RABL6: variants seen among roughly 807,000 people sequenced by gnomAD.
The protein encoded by RABL6 is RAB, member RAS oncogene family like 6, also known as rab-like protein 6.
RABL6 carries 28 observed loss-of-function variants against 72.9 expected under a neutral mutation model. The ratio of observed to expected loss-of-function variants is 0.38; its 90% CI spans 0.28 to 0.53. RABL6 has a LOEUF of 0.53. Ranked by LOEUF, RABL6 falls within the 20% of genes least tolerant of loss-of-function variation. RABL6 has a pLI of 0.80. For synonymous variants in RABL6, 477 were observed against 421.2 expected (o/e 1.13, Z -1.62); for missense variants, 1,029 against 1,008.4 (o/e 1.02, Z -0.28).
At position 136,839,847 on chromosome 9, in the gene RABL6, A is replaced by G; in HGVS notation, c.1912A>G (p.Lys638Glu). The change falls in exon 13 of 15, where the codon AAG becomes GAG. Residue 638 changes from lysine to glutamate, a missense_variant. By Grantham distance (56) the Lys-to-Glu change is moderately conservative (BLOSUM62 1). Around this residue, in one of 2 missense-constraint regions of RABL6, gnomAD observed 595 missense variants for 472.4 expected, o/e 1.26. Coordinates refer to ENST00000311502, the MANE Select transcript of RABL6 (RefSeq NM_024718.5). ...FGLGLEEAGP[K>E]ESSEEGKEGK... ...GCTGGGGCTGGAGGAGGCCGGACCC[A>G]AGGAGAGCAGTGAGGAAGGTGGGTG... 6.2e-7 allele frequency: 1 copy of G among 1,612,272 alleles called. No homozygotes were observed. The highest frequency in any genetic ancestry group is 8.5e-7 in the Non-Finnish European group (1 of 1,179,664).
chr9:136,831,701 G>C lies in RABL6; in HGVS notation c.459-20G>C. On this transcript the variant is annotated intron_variant, in intron 5 of 14. Transcript: ENST00000311502. ...CGTCGCAGGGCTGAAACTAAGCCAG[G>C]TCCTCACCTGTTCTCCGAGGACCTT... is the stretch of plus-strand genomic sequence containing the variant. 12 of 1,612,744 alleles carry C rather than the reference G, an allele frequency of 7.4e-6. No homozygotes were observed. Among genetic ancestry groups the C allele is most frequent in the Non-Finnish European group, 1.0e-5 (12 of 1,179,680 alleles).
At chr9:136,837,780 A>C (rs994254613) in intron 9 of RABL6, 82 bp from the exon 10 acceptor site, 1 of 1,541,120 alleles carries the variant, frequency 6.5e-7, no homozygotes. Context: ...CCGTGGGCAC[A>C]TCCCGGGTGG....
At chr9:136,818,549 C>T (rs1848174182) in intron 1 of RABL6, among the ~76,000 whole-genome samples, 1 of 151,716 alleles carries the variant, frequency 6.6e-6, no homozygotes, top group African/African-American at 2.4e-5. Flanking sequence ...CACGACCAGC[C>T]TGGCCAACAT....
chr9:136,825,719 C>G, intron 2 of RABL6, 60 bp from the exon 3 acceptor site: 1 of 1,569,502 alleles, frequency 6.4e-7, no homozygotes, highest in Non-Finnish European at 8.8e-7. Flanking sequence ...AGCTGGACCG[C>G]TTTGTGCCAC....
At chr9:136,834,166 T>C in intron 7 of RABL6, 2 of 1,274,804 alleles carry the variant, frequency 1.6e-6, no homozygotes, top group Non-Finnish European at 2.0e-6. Context: ...GAAGCAAATT[T>C]CAGGCCTTCT....
intron 1 of RABL6, chr9:136,813,238 A>G: frequency 3.7e-6 from 2 of 545,362 alleles, no homozygotes; most frequent in Non-Finnish European, 6.9e-6. Flanking sequence ...TATTACAGGA[A>G]TTTAAAGCTG....
At position 136,839,713 on chromosome 9, in the gene RABL6, A is replaced by G; in HGVS notation, c.1778A>G (p.Asp593Gly). The change falls in exon 13 of 15, where the codon GAT (aspartate) becomes GGT (glycine). Residue 593 changes from aspartate to glycine, a missense_variant. Physicochemically the swap from Asp to Gly is moderately conservative, Grantham distance 94. Transcript: ENST00000311502. ...QRRADDFPVR[D>G]DPSDVTDEDE... ...CTCCAGGATGACTTTCCCGTGCGAGATGACCCCTCCGATGTGACTGACGAG... is the reference window on the plus strand; with the variant it reads ...CTCCAGGATGACTTTCCCGTGCGAGGTGACCCCTCCGATGTGACTGACGAG... 1 of 1,594,374 alleles carries G rather than the reference A, an allele frequency of 6.3e-7. No homozygotes were observed. The highest frequency in any genetic ancestry group is 1.1e-5 in the South Asian group (1 of 89,198).
At chr9:136,809,181 C>A (rs1847947218) in intron 1 of RABL6, 1 of 154,008 alleles carries the variant, frequency 6.5e-6, no homozygotes, top group Non-Finnish European at 1.4e-5. Context: ...TTAAGGGGAG[C>A]CTTAGAGCCT....
chr9:136,837,721 G>A, intron 9 of RABL6, 59 bp downstream of exon 9: 1 of 1,544,300 alleles, frequency 6.5e-7, no homozygotes, highest in Non-Finnish European at 8.8e-7. Context: ...CTCACAGGTG[G>A]GGTCCTGGAT....
chr9:136,838,052 C>T (rs925070921), intron 10 of RABL6, 37 bp downstream of exon 10: 2 of 1,548,280 alleles, frequency 1.3e-6, no homozygotes, highest in African/African-American at 1.4e-5. Context: ...CCCATTGCCC[C>T]CCAGCCTCCA....
Position 136,835,768 on chromosome 9 carries a change from G to C in RABL6, c.732G>C (p.Glu244Asp). 1 of 1,550,628 alleles carries C rather than the reference G, an allele frequency of 6.4e-7. No homozygotes were observed. Among genetic ancestry groups the C allele is most frequent in the Non-Finnish European group, 8.7e-7 (1 of 1,147,788 alleles). Residue 244 changes from glutamate to aspartate, a missense_variant, in exon 8 of 15, where the codon GAG (glutamate) becomes GAC (aspartate). Physicochemically the swap from Glu to Asp is conservative, Grantham distance 45 (BLOSUM62 2). This residue lies in a region of RABL6 where 434 missense variants were observed against 536.1 expected (regional missense o/e 0.81). Coordinates refer to ENST00000311502, the MANE Select transcript of RABL6 (RefSeq NM_024718.5). ...LQRETLLRQL[E>D]TNQLDMDATL... is the part of the protein sequence containing the mutation. ...GGGAGACGCTGTTGCGGCAGCTGGA[G>C]ACGAACCAGCTGGACATGGACGCCA...
intron 5 of RABL6, among the ~76,000 whole-genome samples, chr9:136,830,586 T>G (rs1254889580): frequency 6.6e-6 from 1 of 152,258 alleles, no homozygotes; most frequent in African/African-American, 2.4e-5. Flanking sequence ...CTCTCCTGTC[T>G]AGGCAGCAGG....
chr9:136,827,406 C>T (rs1341424693), intron 3 of RABL6: 2 of 152,260 alleles, frequency 1.3e-5, no homozygotes, highest in South Asian at 2.1e-4. Flanking sequence ...AATGGAGCAG[C>T]CTCAGGTGAG....
At chr9:136,833,586 G>T in intron 7 of RABL6, 1 of 1,268,236 alleles carries the variant, frequency 7.9e-7, no homozygotes, top group Admixed American at 2.3e-5. Flanking sequence ...TGGGTCTGGG[G>T]ACCTGAACCT....
rs555614454 is a variant in RABL6, at chr9:136,826,075, G to A, written c.313+249G>A. ...TCTGAGTGACCGCGTGCACGGTGGC[G>A]GCAGGTGCAGCCGGGGGGTGTGCTT... On this transcript the variant is annotated intron_variant, in intron 3 of 14. Transcript: ENST00000311502. This position sits in a 1 kb window ranked among gnomAD's most constrained non-coding sequence, Gnocchi z 4.9. 5.9e-5 allele frequency among the ~76,000 whole-genome samples: 9 copies of A among 152,312 alleles called. No individual in the cohort carries two copies. Among genetic ancestry groups the A allele is most frequent in the Admixed American group, 2.6e-4 (4 of 15,310 alleles).
chr9:136,822,949 ATGG>A (rs915152513), intron 1 of RABL6, among the ~76,000 whole-genome samples: 2 of 151,126 alleles, frequency 1.3e-5, no homozygotes, highest in Non-Finnish European at 2.9e-5. Flanking sequence ...TTAGCTGGAC[ATGG>A]TGGCGGGCGC....
At chr9:136,813,341 T>C (rs1848052970) in intron 1 of RABL6, 3 of 780,088 alleles carry the variant, frequency 3.8e-6, no homozygotes, top group African/African-American at 1.7e-5. Flanking sequence ...AAAGTTGCCT[T>C]GTCTCAGATT....
At position 136,826,177 on chromosome 9, in the gene RABL6, G is replaced by C. The variant is rs1237968863; in HGVS notation, c.313+351G>C. Among the ~76,000 whole-genome samples the C allele has an allele frequency of 1.3e-5, 2 of 152,146 alleles. No individual in the cohort carries two copies. The highest frequency in any genetic ancestry group is 6.5e-5 in the Admixed American group (1 of 15,280). ...TGGCGGAGTAGCCCAGCACCAGGCG[G>C]CCCCCTGCCCATAGCTGAGGACCCA... On this transcript the variant is annotated intron_variant, in intron 3 of 14. Transcript: ENST00000311502. This position sits in a 1 kb window ranked among gnomAD's most constrained non-coding sequence, Gnocchi z 4.9.
chr9:136,840,674 C>T lies in RABL6; in HGVS notation c.*152C>T. ...AGGCCGGGCATTGGTGGTCCCCAGGCTGGGCCCTGCAGGTGCTGGGCCTTC... is the reference window on the plus strand; with the variant it reads ...AGGCCGGGCATTGGTGGTCCCCAGGTTGGGCCCTGCAGGTGCTGGGCCTTC... On this transcript the variant is annotated 3_prime_UTR_variant, in exon 15 of 15. Transcript: ENST00000311502. 2 of 1,549,320 alleles carry T rather than the reference C, an allele frequency of 1.3e-6. No homozygotes were observed.
Sources: gnomAD v4.1 joint callset for allele counts (sites outside exome capture counted in the v4.1 genomes callset) on GRCh38, gnomAD v4.1.1 for gene constraint, gnomAD v4.1.1 regional missense constraint, Gnocchi (gnomAD v3.1) non-coding constraint, MANE v1.5 for transcripts, NCBI Gene and HGNC (gene_info 2026-07-23, HGNC 2026-07-21) for gene names.